LRP6: variants seen among roughly 807,000 people sequenced by gnomAD.
LRP6 encodes the protein LDL receptor related protein 6.
Under a neutral mutation model 184.1 loss-of-function variants are expected in LRP6, and 43 were observed. The observed-to-expected ratio is 0.23, with a 90% CI of 0.18 to 0.30. The LOEUF (loss-of-function observed/expected upper bound fraction) is 0.30, where lower values mean the gene tolerates loss of function less well. Among genes scored for constraint, LRP6 ranks in the 10% least tolerant of loss-of-function variants. The pLI is 1.00. For missense variants in LRP6, 1,571 were observed against 2,005.3 expected (o/e 0.78, Z 4.14); for synonymous variants, 719 against 684.9 (o/e 1.05, Z -0.78).
intron 1 of LRP6, among the ~76,000 whole-genome samples, chr12:12,248,550 C>T (rs1307515344): frequency 1.5e-5 from 2 of 134,284 alleles, no homozygotes; most frequent in African/African-American, 5.6e-5. Flanking sequence ...GGTGCAATCT[C>T]GGCTCACTGC....
intron 2 of LRP6, among the ~76,000 whole-genome samples, chr12:12,232,538 T>TA (rs1403618963): frequency 2.5e-5 from 3 of 122,052 alleles, no homozygotes; most frequent in Non-Finnish European, 1.7e-5. Context: ...CAAAACTATA[T>TA]AAAACACTCG....
At position 12,131,749 on chromosome 12, in the gene LRP6, G is replaced by A. The variant is rs139915162; in HGVS notation, c.3970+72C>T. On this transcript the variant is annotated intron_variant, in intron 18 of 22. Transcript: ENST00000261349. ...AAAACCCCAACTGACACTAAGCCAAGTAATACTGAAGTTTAAACAACTGAA... is the reference window on the plus strand; with the variant it reads ...AAAACCCCAACTGACACTAAGCCAAATAATACTGAAGTTTAAACAACTGAA... The A allele has an allele frequency of 3.1e-6, 4 of 1,274,786 alleles. No homozygotes were observed. The Admixed American group carries it at 6.7e-5, about 21-fold the overall frequency. 79.0% of individuals were successfully genotyped at this position (1,274,786 alleles called of 1,614,324 possible). A position where few individuals can be genotyped will look rare whatever the true frequency, so the allele number is the denominator to read the frequency against.
chr12:12,148,838 G>T, intron 14 of LRP6, 104 bp downstream of exon 14: 1 of 840,182 alleles, frequency 1.2e-6, no homozygotes, highest in Non-Finnish European at 2.1e-6. Context: ...TGAATTGTTT[G>T]CTGGAGCACA....
intron 1 of LRP6, among the ~76,000 whole-genome samples, chr12:12,251,352 ATTAGTT>A (rs769992047): frequency 3.3e-5 from 5 of 151,596 alleles, no homozygotes; most frequent in Non-Finnish European, 5.9e-5. Context: ...TTCTTCAGTT[ATTAGTT>A]TGTCTTTTTG....
chr12:12,144,471 C>G (rs1949974994), intron 15 of LRP6, among the ~76,000 whole-genome samples: 1 of 152,108 alleles, frequency 6.6e-6, no homozygotes, highest in Non-Finnish European at 1.5e-5. Context: ...CAGCAAGACC[C>G]CCATCTCTAC....
In LRP6 at chr12:12,159,980, T is replaced by A. The variant is rs1411682467; in HGVS notation, c.2280-16A>T. The A allele has an allele frequency of 6.4e-7, 1 of 1,564,780 alleles. No individual in the cohort carries two copies. The highest frequency in any genetic ancestry group is 8.7e-7 in the Non-Finnish European group (1 of 1,145,216). On this transcript the variant is annotated splice_polypyrimidine_tract_variant and intron_variant, in intron 10 of 22. Coordinates refer to ENST00000261349, the MANE Select transcript of LRP6 (RefSeq NM_002336.3). ...ATACATAAATCTAAATTCAAAATAATAAATATTTAACATTTCAATTTTTTA... is the reference window on the plus strand; with the variant it reads ...ATACATAAATCTAAATTCAAAATAAAAAATATTTAACATTTCAATTTTTTA...
Position 12,148,239 on chromosome 12 carries a change from T to G in LRP6, c.3207-683A>C, listed in dbSNP as rs1302519452. ...AGGCACACATATGTTTTCAGAATAATACGACAAATTAAAGATCAGTGACTA... is the reference window on the plus strand; with the variant it reads ...AGGCACACATATGTTTTCAGAATAAGACGACAAATTAAAGATCAGTGACTA... On this transcript the variant is annotated intron_variant, in intron 14 of 22. Coordinates refer to ENST00000261349, the MANE Select transcript of LRP6 (RefSeq NM_002336.3). Among the ~76,000 whole-genome samples the G allele has an allele frequency of 3.3e-5, 5 of 151,870 alleles. No homozygotes were observed. In the South Asian group the frequency reaches 1.0e-3, roughly 31 times the overall value.
At chr12:12,123,260 T>G (rs573030525) in intron 22 of LRP6, among the ~76,000 whole-genome samples, 108 of 152,344 alleles carry the variant, frequency 7.1e-4, no homozygotes, top group Admixed American at 1.8e-3. Flanking sequence ...AAAATAAAAT[T>G]TTGTATCTTT....
chr12:12,145,842 G>A (rs1486017137), intron 15 of LRP6, among the ~76,000 whole-genome samples: 2 of 151,754 alleles, frequency 1.3e-5, no homozygotes, highest in African/African-American at 4.8e-5. Flanking sequence ...ATGTTGGCCA[G>A]GCTGGTCTCA....
intron 1 of LRP6, among the ~76,000 whole-genome samples, chr12:12,258,455 C>T (rs1034042802): frequency 1.3e-5 from 2 of 152,068 alleles, no homozygotes; most frequent in East Asian, 1.9e-4. Flanking sequence ...AGCTAATGAA[C>T]GATTGAGTCA....
intron 15 of LRP6, chr12:12,139,026 T>C (rs1949891279): frequency 7.7e-7 from 1 of 1,294,232 alleles, no homozygotes; most frequent in African/African-American, 1.5e-5. Context: ...ATCCAGACTC[T>C]GAGGAGGCAA....
At chr12:12,204,359 T>C (rs1169346024) in intron 2 of LRP6, among the ~76,000 whole-genome samples, 3 of 148,378 alleles carry the variant, frequency 2.0e-5, no homozygotes, top group Admixed American at 1.3e-4. Context: ...GATAACTACA[T>C]CAAGTGTATG....
chr12:12,207,588 C>T (rs1864098068), intron 2 of LRP6, among the ~76,000 whole-genome samples: 1 of 152,036 alleles, frequency 6.6e-6, no homozygotes, highest in African/African-American at 2.4e-5. Flanking sequence ...CATTATCTAA[C>T]TGACTCTGGT....
intron 2 of LRP6, among the ~76,000 whole-genome samples, chr12:12,225,799 G>A (rs1327164998): frequency 6.8e-6 from 1 of 148,132 alleles, no homozygotes; most frequent in Non-Finnish European, 1.5e-5. Flanking sequence ...TTGAACCCGG[G>A]AGGCAGAGGT....
chr12:12,174,089 T>C (rs995169736), intron 7 of LRP6, among the ~76,000 whole-genome samples: 2 of 152,176 alleles, frequency 1.3e-5, no homozygotes, highest in African/African-American at 2.4e-5. Context: ...ATTTTGAATA[T>C]TTCTCAAACT....
chr12:12,225,450 C>A (rs866638230), intron 2 of LRP6, among the ~76,000 whole-genome samples: 1 of 152,142 alleles, frequency 6.6e-6, no homozygotes, highest in Non-Finnish European at 1.5e-5. Flanking sequence ...CAGGAGCCAG[C>A]ACCCGAGTAG....
chr12:12,152,577 G>A (rs1950097139), intron 12 of LRP6, among the ~76,000 whole-genome samples: 1 of 152,178 alleles, frequency 6.6e-6, no homozygotes, highest in Non-Finnish European at 1.5e-5. Flanking sequence ...GAGCCACCAT[G>A]CCTGGCCAAG....
chr12:12,225,915 C>T (rs976043190), intron 2 of LRP6, among the ~76,000 whole-genome samples: 1 of 151,828 alleles, frequency 6.6e-6, no homozygotes, highest in African/African-American at 2.4e-5. Flanking sequence ...ATACCCACTG[C>T]TGCCTGTGCA....
In LRP6 at chr12:12,121,211, C is replaced by G; in HGVS notation, c.4757G>C (p.Ser1586Thr). The G allele has an allele frequency of 6.2e-7, 1 of 1,614,070 alleles. No homozygotes were observed. The highest frequency in any genetic ancestry group is 8.5e-7 in the Non-Finnish European group (1 of 1,180,014). ...QYLSAEENYESCPPSPYTERS... is the reference protein window; with the variant it reads ...QYLSAEENYETCPPSPYTERS... ...CTCTGTGTATGGAGAAGGTGGGCAG[C>G]TTTCATAGTTCTCCTCTGCTGACAA... The change falls in exon 23 of 23, where the codon AGC becomes ACC. Residue 1586 changes from serine (S) to threonine (T), a missense_variant. Transcript: ENST00000261349.
Sources: allele counts gnomAD v4.1 joint callset (sites outside exome capture counted in the v4.1 genomes callset), GRCh38; gene constraint gnomAD v4.1.1; transcripts MANE v1.5; gene names NCBI Gene and HGNC (gene_info 2026-07-23, HGNC 2026-07-21).